FNIP1: variants seen among roughly 807,000 people sequenced by gnomAD.
The protein encoded by FNIP1 is folliculin-interacting protein 1.
FNIP1 carries 40 observed loss-of-function variants against 124.5 expected under a neutral mutation model. That is an observed-to-expected ratio of 0.32 (90% CI 0.25 to 0.42). The LOEUF (loss-of-function observed/expected upper bound fraction) is 0.42, where lower values mean the gene tolerates loss of function less well. Among genes scored for constraint, FNIP1 ranks in the 10% least tolerant of loss-of-function variants. The pLI is 1.00. For missense variants in FNIP1, 1,176 were observed against 1,403.7 expected (o/e 0.84, Z 2.59); for synonymous variants, 472 against 470.6 (o/e 1.00, Z -0.04).
intron 2 of FNIP1, 123 bp downstream of exon 2, chr5:131,744,441 T>A: frequency 1.1e-6 from 1 of 938,038 alleles, no homozygotes; most frequent in Non-Finnish European, 1.5e-6. Flanking sequence ...AACATTTCCT[T>A]CTCCCTCAGC....
rs772671350 is a variant in FNIP1 at position 131,672,059 on chromosome 5, T to C, written c.2385A>G (p.Gln795=). ...GGTCCTTGGTTGTTTGTTTAGTTTC[T>C]TGATGCTGATCAATAGCCCCTCTTT... ...KEERGAIDQH[Q]ETKQTTKDQS... The change falls in exon 14 of 18, where the codon CAA becomes CAG. Residue 795 remains glutamine, a synonymous_variant. Coordinates refer to ENST00000510461, the MANE Select transcript of FNIP1 (RefSeq NM_133372.3). 21 of 1,614,110 alleles carry C rather than the reference T, an allele frequency of 1.3e-5. No homozygotes were observed. In the Admixed American group the frequency reaches 3.2e-4, roughly 24 times the overall value.
At chr5:131,772,088 G>C (rs1388750831) in intron 1 of FNIP1, among the ~76,000 whole-genome samples, 2 of 152,116 alleles carry the variant, frequency 1.3e-5, no homozygotes, top group African/African-American at 4.8e-5. Context: ...CTGATACATG[G>C]AGGAATAACA....
At chr5:131,674,128 C>T (rs1767845526) in intron 13 of FNIP1, among the ~76,000 whole-genome samples, 1 of 152,000 alleles carries the variant, frequency 6.6e-6, no homozygotes, top group Admixed American at 6.6e-5. Flanking sequence ...TAGCCAGCAC[C>T]CCACCCCACC....
rs199592146 is a variant in FNIP1 at position 131,672,170 on chromosome 5, A to G, written c.2274T>C (p.Ser758=). ...QTKVTFLIGD[S]MSPDSDTELR... ...GCTCAGTATCTGAATCAGGTGACAT[A>G]GAATCCCCAATCAGGAAAGTAACCT... is the stretch of plus-strand genomic sequence containing the variant. Residue 758 remains serine, a synonymous_variant, in exon 14 of 18, where the codon TCT becomes TCC. Transcript: ENST00000510461. 1.6e-5 allele frequency: 26 copies of G among 1,614,246 alleles called. No individual in the cohort carries two copies. The highest frequency in any genetic ancestry group is 2.0e-5 in the Non-Finnish European group (24 of 1,180,046).
chr5:131,749,754 A>G lies in FNIP1; in HGVS notation c.93-5064T>C, dbSNP rs909246188. ...TTTCTATGTTTGGATATGTTTAGAT[A>G]CACAAATACTTACCATTGTGTTACA... On this transcript the variant is annotated intron_variant, in intron 1 of 17. Coordinates refer to ENST00000510461, the MANE Select transcript of FNIP1 (RefSeq NM_133372.3). Among the ~76,000 whole-genome samples, 10 of 152,256 alleles carry G rather than the reference A, an allele frequency of 6.6e-5. No individual in the cohort carries two copies. In the South Asian group the frequency reaches 2.1e-3, roughly 32 times the overall value.
chr5:131,678,019 A>T (rs1432521413), intron 12 of FNIP1, 147 bp from the exon 13 acceptor site: 2 of 636,700 alleles, frequency 3.1e-6, no homozygotes, highest in Admixed American at 3.1e-5. Context: ...AAGGATGAGT[A>T]TATAACACCA....
chr5:131,724,765 A>T (rs1447503964), intron 3 of FNIP1, among the ~76,000 whole-genome samples: 1 of 152,100 alleles, frequency 6.6e-6, no homozygotes, highest in African/African-American at 2.4e-5. Flanking sequence ...TTAGTCATAA[A>T]GTCTTTGCCT....
chr5:131,659,045 C>T (rs1767308558), intron 15 of FNIP1, among the ~76,000 whole-genome samples: 2 of 152,042 alleles, frequency 1.3e-5, no homozygotes, highest in South Asian at 4.1e-4. Context: ...TAACAGTCCG[C>T]CTAGAAGCAT....
In FNIP1 at chr5:131,796,930, CG is replaced by C. The variant is rs1416424653; in HGVS notation, c.-10del. On this transcript the variant is annotated 5_prime_UTR_variant, in exon 1 of 18. Transcript: ENST00000510461. The stretch of plus-strand genomic sequence containing the variant: ...AACAGCGTAGGGGCCATGCTAGCCA[CG>C]GCCAGGCAGGGGTCGCTCCGCTGGG... 6.3e-7 allele frequency: 1 copy of C among 1,596,696 alleles called. No homozygotes were observed. Among genetic ancestry groups the C allele is most frequent in the Non-Finnish European group, 8.5e-7 (1 of 1,172,256 alleles).
Position 131,681,103 on chromosome 5 carries a change from A to G in FNIP1, c.1203-1928T>C, listed in dbSNP as rs556921152. Among the ~76,000 whole-genome samples, 5 of 152,296 alleles carry G rather than the reference A, an allele frequency of 3.3e-5. No individual in the cohort carries two copies. The South Asian group carries it at 1.0e-3, about 32-fold the overall frequency. On this transcript the variant is annotated intron_variant, in intron 11 of 17. Coordinates refer to ENST00000510461, the MANE Select transcript of FNIP1 (RefSeq NM_133372.3). ...CCACTTCCCCAGAAAATGACTACAGATAGGAGAGAGCAGATATAGCAGTTG... is the reference window on the plus strand; with the variant it reads ...CCACTTCCCCAGAAAATGACTACAGGTAGGAGAGAGCAGATATAGCAGTTG...
intron 2 of FNIP1, among the ~76,000 whole-genome samples, chr5:131,737,980 G>A (rs564352565): frequency 2.7e-4 from 41 of 152,280 alleles, no homozygotes; most frequent in African/African-American, 9.4e-4. Context: ...ATGGTTTCAG[G>A]ATGAAACTGT....
At chr5:131,762,573 G>T (rs1771266817) in intron 1 of FNIP1, among the ~76,000 whole-genome samples, 1 of 152,062 alleles carries the variant, frequency 6.6e-6, no homozygotes, top group African/African-American at 2.4e-5. Flanking sequence ...AGTTAAAATG[G>T]CTTTTATCCA....
chr5:131,723,447 T>C (rs923547080), intron 3 of FNIP1, among the ~76,000 whole-genome samples: 6 of 152,208 alleles, frequency 3.9e-5, no homozygotes, highest in African/African-American at 1.4e-4. Flanking sequence ...TGACACCATA[T>C]AGTTTACTAC....
intron 2 of FNIP1, among the ~76,000 whole-genome samples, chr5:131,739,124 C>A (rs963138173): frequency 1.3e-5 from 2 of 152,192 alleles, no homozygotes; most frequent in African/African-American, 4.8e-5. Context: ...CCTAGAGATA[C>A]CTTTTCCACT....
In FNIP1 at chr5:131,720,017, CCTT is replaced by C. The variant is rs1278191343; in HGVS notation, c.355-603_355-601del. Among the ~76,000 whole-genome samples the C allele has an allele frequency of 7.2e-5, 11 of 152,278 alleles. No individual in the cohort carries two copies. The South Asian group carries it at 1.2e-3, about 17-fold the overall frequency. ...CACATGAAACCACAGAAGACCACAACCTTCTTCTTCAAGAAGCAGCAGCCAAAT... is the reference window on the plus strand; with the variant it reads ...CACATGAAACCACAGAAGACCACAACCTTCTTCAAGAAGCAGCAGCCAAAT... On this transcript the variant is annotated intron_variant, in intron 3 of 17. Transcript: ENST00000510461.
chr5:131,672,314 C>T lies in FNIP1; in HGVS notation c.2130G>A (p.Lys710=). The T allele has an allele frequency of 6.2e-7, 1 of 1,614,186 alleles. No individual in the cohort carries two copies. The highest frequency in any genetic ancestry group is 8.5e-7 in the Non-Finnish European group (1 of 1,180,034). The change falls in exon 14 of 18, where the codon AAG becomes AAA. Residue 710 remains lysine, a synonymous_variant. Transcript: ENST00000510461. The part of the protein sequence containing the change: ...ESTEETWQSE[K]LLDSDSHTGK... ...CTGTGTGACTGTCTGAATCCAGCAA[C>T]TTCTCACTCTGCCATGTTTCCTCTG...
At position 131,672,791 on chromosome 5, in the gene FNIP1, C is replaced by G; in HGVS notation, c.1653G>C (p.Thr551=). 1 of 1,613,538 alleles carries G rather than the reference C, an allele frequency of 6.2e-7. No individual in the cohort carries two copies. Among genetic ancestry groups the G allele is most frequent in the Non-Finnish European group, 8.5e-7 (1 of 1,179,860 alleles). Residue 551 remains threonine, a synonymous_variant, in exon 14 of 18, where the codon ACG becomes ACC. Transcript: ENST00000510461. ...CATCTTCTCCATTTTCTAAAAGATG[C>G]GTTTCTTGAAGTTCAGAGCATCTTA... is the stretch of plus-strand genomic sequence containing the variant. ...YFIRCSELQE[T]HLLENGEDEA... is the part of the protein sequence containing the mutation.
At chr5:131,762,471 C>T (rs1326701885) in intron 1 of FNIP1, among the ~76,000 whole-genome samples, 1 of 152,144 alleles carries the variant, frequency 6.6e-6, no homozygotes, top group African/African-American at 2.4e-5. Flanking sequence ...AGAAGACATA[C>T]AGATGGCAAA....
intron 2 of FNIP1, among the ~76,000 whole-genome samples, chr5:131,744,356 G>A (rs1445949875): frequency 6.6e-6 from 1 of 152,106 alleles, no homozygotes; most frequent in Non-Finnish European, 1.5e-5. Context: ...CTGTCTGCTT[G>A]ACTGTCTCCA....
Sources: gnomAD v4.1 joint callset for allele counts (sites outside exome capture counted in the v4.1 genomes callset) on GRCh38, gnomAD v4.1.1 for gene constraint, MANE v1.5 for transcripts, NCBI Gene and HGNC (gene_info 2026-07-23, HGNC 2026-07-21) for gene names.